The following ZSCAN32 variants were observed in gnomAD, a reference collection of about 807,000 sequenced individuals.
The protein encoded by ZSCAN32 is zinc finger and SCAN domain-containing protein 32.
In ZSCAN32, 52 loss-of-function variants were observed where a neutral mutation model predicts 47.4. That is an observed-to-expected ratio of 1.10 (90% CI 0.88 to 1.38). The LOEUF is 1.38. Among genes scored for constraint, ZSCAN32 ranks in the 40% most tolerant of loss-of-function variants. The pLI, the probability that ZSCAN32 is intolerant of heterozygous loss-of-function variation, is 0.00. For synonymous variants in ZSCAN32, 346 were observed against 305.7 expected (o/e 1.13, Z -1.38); for missense variants, 959 against 846.0 (o/e 1.13, Z -1.66).
chr16:3,397,865 C>T (rs2033525873), intron 1 of ZSCAN32, 121 bp from the exon 2 acceptor site: 1 of 263,266 alleles, frequency 3.8e-6, no homozygotes, highest in Non-Finnish European at 7.2e-6. Flanking sequence ...GGATCCAAAA[C>T]ACTAGAAATA....
intron 5 of ZSCAN32, 64 bp downstream of exon 5, chr16:3,389,946 C>G (rs1171159175): frequency 2.0e-6 from 3 of 1,485,106 alleles, no homozygotes; most frequent in Non-Finnish European, 1.8e-6. Context: ...CCTCTCAAGT[C>G]CTTTCAGCCT....
chr16:3,387,828 C>G (rs947816273), intron 5 of ZSCAN32, among the ~76,000 whole-genome samples: 1 of 152,198 alleles, frequency 6.6e-6, no homozygotes, highest in Non-Finnish European at 1.5e-5. Flanking sequence ...ATGAACCCTG[C>G]CTTCAAGGAG....
At chr16:3,391,997 T>C (rs1245420584) in intron 3 of ZSCAN32, among the ~76,000 whole-genome samples, 2 of 152,210 alleles carry the variant, frequency 1.3e-5, no homozygotes, top group Non-Finnish European at 2.9e-5. Context: ...AGCAAGTATC[T>C]AGCCAAATTA....
intron 3 of ZSCAN32, among the ~76,000 whole-genome samples, chr16:3,392,750 TG>T (rs2032869727): frequency 6.6e-6 from 1 of 151,850 alleles, no homozygotes; most frequent in Admixed American, 6.6e-5. Flanking sequence ...GGCGTGAACC[TG>T]GGAGGCAGAG....
intron 1 of ZSCAN32, among the ~76,000 whole-genome samples, chr16:3,400,547 C>G (rs909277760): frequency 6.7e-4 from 102 of 152,182 alleles, no homozygotes; most frequent in African/African-American, 2.4e-3. Flanking sequence ...GGCCCAAACA[C>G]TCGGAAAAAA....
At chr16:3,385,702 C>T (rs1293209342) in intron 5 of ZSCAN32, among the ~76,000 whole-genome samples, 1 of 152,124 alleles carries the variant, frequency 6.6e-6, no homozygotes, top group African/African-American at 2.4e-5. Context: ...GAAAGGATTC[C>T]CTATTTAATA....
chr16:3,393,958 A>G, intron 2 of ZSCAN32, 144 bp from the exon 3 acceptor site: 2 of 650,976 alleles, frequency 3.1e-6, no homozygotes, highest in Non-Finnish European at 2.4e-6. Context: ...CTGTAATAAA[A>G]TAAAAATTAA....
intron 5 of ZSCAN32, among the ~76,000 whole-genome samples, chr16:3,385,999 G>C (rs1369756005): frequency 6.6e-6 from 1 of 152,160 alleles, no homozygotes; most frequent in Non-Finnish European, 1.5e-5. Flanking sequence ...CCATCAGAGT[G>C]AACAGGCAAC....
At chr16:3,393,504 C>T (rs1596222624) in intron 3 of ZSCAN32, 145 bp downstream of exon 3, 3 of 723,452 alleles carry the variant, frequency 4.1e-6, no homozygotes, top group East Asian at 3.0e-5. Flanking sequence ...GGATTACAGG[C>T]GTGAGCCAAC....
intron 4 of ZSCAN32, 141 bp from the exon 5 acceptor site, chr16:3,390,274 G>A (rs1402358829): frequency 7.2e-7 from 1 of 1,392,666 alleles, no homozygotes; most frequent in African/African-American, 1.5e-5. Flanking sequence ...CAGGTTCTGA[G>A]CCATGTGATG....
intron 3 of ZSCAN32, among the ~76,000 whole-genome samples, chr16:3,392,566 G>T (rs918932590): frequency 1.3e-5 from 2 of 152,092 alleles, no homozygotes; most frequent in Non-Finnish European, 2.9e-5. Flanking sequence ...GGTGGCTCAT[G>T]CCTGTAATCC....
Position 3,383,133 on chromosome 16 carries a change from A to G in ZSCAN32, c.1813T>C (p.Tyr605His). ...HQRTHTGEKP[Y>H]QCIVCGKRFN... ...CTCTTTCCACAGACAATGCACTGGT[A>G]AGGCTTTTCCCCGGTATGGGTCCTC... The change falls in exon 7 of 7, where the codon TAC (tyrosine) becomes CAC (histidine). Residue 605 changes from tyrosine (Y) to histidine (H), a missense_variant. By Grantham distance (83) the Tyr-to-His change is moderately conservative. Coordinates refer to ENST00000396852, the MANE Select transcript of ZSCAN32 (RefSeq NM_001284527.2). The G allele has an allele frequency of 1.2e-6, 2 of 1,614,152 alleles. No individual in the cohort carries two copies. Among genetic ancestry groups the G allele is most frequent in the Non-Finnish European group, 1.7e-6 (2 of 1,180,024 alleles).
At chr16:3,396,981 T>C (rs986092691) in intron 2 of ZSCAN32, among the ~76,000 whole-genome samples, 1 of 152,180 alleles carries the variant, frequency 6.6e-6, no homozygotes, top group African/African-American at 2.4e-5. Context: ...GGACTTCAAA[T>C]ATTATTAAAT....
At chr16:3,394,338 C>T (rs1308405428) in intron 2 of ZSCAN32, among the ~76,000 whole-genome samples, 1 of 152,150 alleles carries the variant, frequency 6.6e-6, no homozygotes, top group East Asian at 1.9e-4. Flanking sequence ...GCCTGACACA[C>T]CAGAACTGTT....
chr16:3,398,977 C>G (rs535792187), intron 1 of ZSCAN32, among the ~76,000 whole-genome samples: 4 of 152,204 alleles, frequency 2.6e-5, no homozygotes, highest in Non-Finnish European at 5.9e-5. Context: ...AATCCCAGCA[C>G]TTTGAGAGGC....
Position 3,383,578 on chromosome 16 carries a change from C to T in ZSCAN32, c.1368G>A (p.Glu456=). The stretch of plus-strand genomic sequence containing the variant: ...ATTGCCTTCTTGATGTTGGCTCACT[C>T]TCCAAGCCTTTTTGTAGCTCAGAGT... ...YWHSELQKGL[E]SEPTSRRQCR... is the part of the protein sequence containing the mutation. Residue 456 remains glutamate, a synonymous_variant, in exon 7 of 7, where the codon GAG becomes GAA. Coordinates refer to ENST00000396852, the MANE Select transcript of ZSCAN32 (RefSeq NM_001284527.2). The T allele has an allele frequency of 6.2e-7, 1 of 1,614,076 alleles. No individual in the cohort carries two copies. Among genetic ancestry groups the T allele is most frequent in the Non-Finnish European group, 8.5e-7 (1 of 1,180,022 alleles).
At chr16:3,398,489 T>A (rs1230090804) in intron 1 of ZSCAN32, among the ~76,000 whole-genome samples, 1 of 152,234 alleles carries the variant, frequency 6.6e-6, no homozygotes, top group African/African-American at 2.4e-5. Flanking sequence ...TAGCCGGTTC[T>A]GTGCGTATTA....
Position 3,397,388 on chromosome 16 carries a change from T to G in ZSCAN32, c.170A>C (p.Lys57Thr). Residue 57 changes from lysine to threonine, a missense_variant, in exon 2 of 7, where the codon AAA becomes ACA. By Grantham distance (78) the Lys-to-Thr change is moderately conservative. Coordinates refer to ENST00000396852, the MANE Select transcript of ZSCAN32 (RefSeq NM_001284527.2). ...CCACTGACAACAGAGTTCCCAGAGTTTGCTAAAAGCTTCATGTGGGCCAGT... is the reference window on the plus strand; with the variant it reads ...CCACTGACAACAGAGTTCCCAGAGTGTGCTAAAAGCTTCATGTGGGCCAGT... The part of the protein sequence containing the change: ...EVTGPHEAFS[K>T]LWELCCQWLR... 1 of 1,554,592 alleles carries G rather than the reference T, an allele frequency of 6.4e-7. No individual in the cohort carries two copies. The highest frequency in any genetic ancestry group is 8.7e-7 in the Non-Finnish European group (1 of 1,149,294).
At position 3,382,773 on chromosome 16, in the gene ZSCAN32, C is replaced by G; in HGVS notation, c.*79G>C. On this transcript the variant is annotated 3_prime_UTR_variant, in exon 7 of 7. Transcript: ENST00000396852. ...AGTAGGTCTGTTGCAAAGTCAGGGA[C>G]TGGCTAGATCTCTCCACAGCAGAAG... The G allele has an allele frequency of 1.3e-6, 2 of 1,500,996 alleles. No individual in the cohort carries two copies. Among genetic ancestry groups the G allele is most frequent in the Non-Finnish European group, 1.8e-6 (2 of 1,125,216 alleles). 93.0% of individuals were successfully genotyped at this position (1,500,996 alleles called of 1,614,324 possible). A position where few individuals can be genotyped will look rare whatever the true frequency, so the allele number is the denominator to read the frequency against.
Sources: gnomAD v4.1 joint callset for allele counts (sites outside exome capture counted in the v4.1 genomes callset) on GRCh38, gnomAD v4.1.1 for gene constraint, MANE v1.5 for transcripts, NCBI Gene and HGNC (gene_info 2026-07-23, HGNC 2026-07-21) for gene names.